The following ERCC6L2 variants were observed in gnomAD, a reference collection of about 807,000 sequenced individuals.
ERCC6L2 encodes the protein DNA excision repair protein ERCC-6-like 2.
Under a neutral mutation model 132.0 loss-of-function variants are expected in ERCC6L2, and 77 were observed. That is an observed-to-expected ratio of 0.58 (90% CI 0.49 to 0.71). The LOEUF (loss-of-function observed/expected upper bound fraction) is 0.71. Ranked by LOEUF, ERCC6L2 falls within the 30% of genes least tolerant of loss-of-function variation. The pLI, the probability that ERCC6L2 is intolerant of heterozygous loss-of-function variation, is 0.00. For synonymous variants in ERCC6L2, 583 were observed against 632.4 expected (o/e 0.92, Z 1.17); for missense variants, 1,542 against 1,837.6 (o/e 0.84, Z 2.94).
At chr9:95,953,353 G>T (rs1025705843) in intron 12 of ERCC6L2, among the ~76,000 whole-genome samples, 2 of 152,102 alleles carry the variant, frequency 1.3e-5, no homozygotes, top group Non-Finnish European at 2.9e-5. Context: ...GAGGCAGGCG[G>T]ATCATGAGAT....
chr9:95,892,470 G>A (rs1030720433), intron 2 of ERCC6L2, among the ~76,000 whole-genome samples: 1 of 145,220 alleles, frequency 6.9e-6, no homozygotes, highest in Non-Finnish European at 1.5e-5. Context: ...CCCTCACCCA[G>A]GCTGGAGCGT....
At chr9:95,879,872 T>G (rs1033521471) in intron 1 of ERCC6L2, among the ~76,000 whole-genome samples, 4 of 152,168 alleles carry the variant, frequency 2.6e-5, no homozygotes, top group African/African-American at 9.7e-5. Flanking sequence ...ATAGGAAAAA[T>G]AATTCCTAGT....
intron 17 of ERCC6L2, among the ~76,000 whole-genome samples, chr9:95,992,259 G>T (rs1159804377): frequency 6.6e-6 from 1 of 152,026 alleles, no homozygotes; most frequent in East Asian, 1.9e-4. Context: ...TTTTAATTAG[G>T]TGATAAAGAC....
rs556468296 is a variant in ERCC6L2, at chr9:95,954,116, T to G, written c.1848-1798T>G. ...ATGAGAAAGCTGAGGCACAGTGCACTTAAGTAGCTTGCTCAAGGTCATAGC... is the reference window on the plus strand; with the variant it reads ...ATGAGAAAGCTGAGGCACAGTGCACGTAAGTAGCTTGCTCAAGGTCATAGC... On this transcript the variant is annotated intron_variant, in intron 12 of 18. Coordinates refer to ENST00000653738, the MANE Select transcript of ERCC6L2 (RefSeq NM_020207.7). Among the ~76,000 whole-genome samples, 23 of 152,288 alleles carry G rather than the reference T, an allele frequency of 1.5e-4. No individual in the cohort carries two copies. In the South Asian group the frequency reaches 4.8e-3, roughly 32 times the overall value.
intron 13 of ERCC6L2, among the ~76,000 whole-genome samples, chr9:95,961,901 C>G (rs1384945995): frequency 6.6e-6 from 1 of 152,026 alleles, no homozygotes; most frequent in East Asian, 1.9e-4. Flanking sequence ...AGGGGTTTCC[C>G]CTTATAAAAC....
chr9:95,911,515 G>A (rs1829339143), intron 4 of ERCC6L2, among the ~76,000 whole-genome samples: 1 of 152,008 alleles, frequency 6.6e-6, no homozygotes, highest in Non-Finnish European at 1.5e-5. Flanking sequence ...TATAAGATTA[G>A]AGGAATGTTT....
Position 96,015,631 on chromosome 9 carries a change from T to TA in ERCC6L2, c.*2442dup, listed in dbSNP as rs371476454. Among the ~76,000 whole-genome samples the TA allele has an allele frequency of 0.48, 69,020 of 142,658 alleles. 16,580 individuals carry two copies. The highest frequency in any genetic ancestry group is 0.59 in the East Asian group (2,765 of 4,712). The allele number at this position is 142,658 out of a possible 152,430, so 93.6% of individuals were successfully genotyped here. On this transcript the variant is annotated 3_prime_UTR_variant, in exon 19 of 19. Coordinates refer to ENST00000653738, the MANE Select transcript of ERCC6L2 (RefSeq NM_020207.7). ...TAACGCGGTGAAACCCCGTCTCTACTAAAAAAAAAAAAAATACAAAAATTA... is the reference window on the plus strand; with the variant it reads ...TAACGCGGTGAAACCCCGTCTCTACTAAAAAAAAAAAAAAATACAAAAATTA...
chr9:95,999,141 A>G (rs1015397778), intron 17 of ERCC6L2, among the ~76,000 whole-genome samples: 2 of 152,170 alleles, frequency 1.3e-5, no homozygotes, highest in Admixed American at 1.3e-4. Flanking sequence ...CAGGCAGATC[A>G]CGAAGTCAGG....
chr9:96,029,836 C>T (rs1286346896), intron 19 of ERCC6L2, among the ~76,000 whole-genome samples: 1 of 151,926 alleles, frequency 6.6e-6, no homozygotes, highest in Admixed American at 6.6e-5. Context: ...GCCTTGTGGT[C>T]TTAGGAAGGA....
rs1276225003 is a variant in ERCC6L2 at position 96,012,574 on chromosome 9, C to G, written c.4024C>G (p.His1342Asp). Residue 1342 changes from histidine to aspartate, a missense_variant, in exon 19 of 19, where the codon CAT becomes GAT. Transcript: ENST00000653738. ...AAGAAAATCAGTTAAGTTTCAGAAT[C>G]ATATTTCCTATAGAGAAGAGGTGTT... is the stretch of plus-strand genomic sequence containing the variant. Reference protein sequence around the residue: ...YKRKSVKFQNHISYREEVFFN... With the variant: ...YKRKSVKFQNDISYREEVFFN... The G allele has an allele frequency of 1.5e-6, 2 of 1,367,418 alleles. No homozygotes were observed. The highest frequency in any genetic ancestry group is 2.0e-6 in the Non-Finnish European group (2 of 1,021,738). 84.7% of individuals were successfully genotyped at this position (1,367,418 alleles called of 1,614,324 possible). A position where few individuals can be genotyped will look rare whatever the true frequency, so the allele number is the denominator to read the frequency against.
At chr9:95,923,134 G>A (rs1232916307) in intron 8 of ERCC6L2, 126 bp from the exon 9 acceptor site, 3 of 1,152,220 alleles carry the variant, frequency 2.6e-6, no homozygotes, top group Admixed American at 2.6e-5. Flanking sequence ...GTCTGACTTA[G>A]GGAAGCAAAA....
At chr9:95,899,814 C>A (rs1275552021) in intron 3 of ERCC6L2, among the ~76,000 whole-genome samples, 1 of 152,080 alleles carries the variant, frequency 6.6e-6, no homozygotes, top group Non-Finnish European at 1.5e-5. Context: ...TTTAAATCAT[C>A]TGTAGTTTAC....
intron 11 of ERCC6L2, among the ~76,000 whole-genome samples, chr9:95,936,329 G>C (rs757977171): frequency 6.6e-6 from 1 of 152,118 alleles, no homozygotes; most frequent in Admixed American, 6.5e-5. Context: ...TATAAAATTA[G>C]CATTGATGTT....
intron 20 of ERCC6L2, among the ~76,000 whole-genome samples, chr9:96,039,289 C>T (rs1052177737): frequency 6.6e-6 from 1 of 152,092 alleles, no homozygotes; most frequent in Admixed American, 6.5e-5. Context: ...GCCAGAGGTG[C>T]AAGGGGCCAT....
At chr9:96,019,767 CT>C (rs989203068), downstream of ERCC6L2, 1 of 152,162 alleles carries the variant, frequency 6.6e-6, no homozygotes, top group African/African-American at 2.4e-5. Flanking sequence ...CTCACAGTTC[CT>C]TATAGCTGGG....
chr9:96,031,903 A>G (rs1834464850), intron 19 of ERCC6L2, among the ~76,000 whole-genome samples: 1 of 152,198 alleles, frequency 6.6e-6, no homozygotes, highest in Non-Finnish European at 1.5e-5. Flanking sequence ...CAGCAAACAG[A>G]CATTCCCACC....
chr9:95,885,811 G>A (rs1827834167), intron 2 of ERCC6L2, among the ~76,000 whole-genome samples: 1 of 152,146 alleles, frequency 6.6e-6, no homozygotes, highest in Non-Finnish European at 1.5e-5. Context: ...CAGACATACT[G>A]AATTGTGAAC....
At position 95,916,434 on chromosome 9, in the gene ERCC6L2, G is replaced by A. The variant is rs774809620; in HGVS notation, c.1158G>A (p.Arg386=). The A allele has an allele frequency of 3.2e-6, 5 of 1,547,464 alleles. No homozygotes were observed. Among genetic ancestry groups the A allele is most frequent in the Admixed American group, 4.4e-5 (2 of 45,150 alleles). ...ATCAGTTGCCTAAGAAGGAAGACCG[G>A]GTAAGAACCGCATTTGTATATATTA... The part of the protein sequence containing the change: ...IKDQLPKKED[R]MVYCSLTDFQ... The change falls in exon 6 of 19, where the codon CGG becomes CGA. Residue 386 remains arginine (R), a splice_region_variant and synonymous_variant. Transcript: ENST00000653738.
rs1834184157 is a variant in ERCC6L2, at chr9:96,016,280, C to G, written c.*3077C>G. 6.6e-6 allele frequency among the ~76,000 whole-genome samples: 1 copy of G among 152,214 alleles called. No individual in the cohort carries two copies. Among genetic ancestry groups the G allele is most frequent in the African/African-American group, 2.4e-5 (1 of 41,464 alleles). On this transcript the variant is annotated 3_prime_UTR_variant, in exon 19 of 19. Coordinates refer to ENST00000653738, the MANE Select transcript of ERCC6L2 (RefSeq NM_020207.7). The stretch of plus-strand genomic sequence containing the variant: ...CTAGTAAAACAATTAAAATGCAAGT[C>G]TGTTGCTTCAAGCAACACCACTGTG...
Sources: allele counts gnomAD v4.1 joint callset (sites outside exome capture counted in the v4.1 genomes callset), GRCh38; gene constraint gnomAD v4.1.1; transcripts MANE v1.5; gene names NCBI Gene and HGNC (gene_info 2026-07-23, HGNC 2026-07-21).